Variants in OFD1 observed in about 807,000 individuals in gnomAD.
The protein encoded by OFD1 is OFD1 centriole and centriolar satellite protein, also known as centriole and centriolar satellite protein OFD1.
OFD1 carries 12 observed loss-of-function variants against 81.4 expected under a neutral mutation model. That is an observed-to-expected ratio of 0.15 (90% CI 0.09 to 0.24). The LOEUF is 0.24. OFD1 is among the 10% of genes least tolerant of loss of function. The pLI, the probability that OFD1 is intolerant of heterozygous loss-of-function variation, is 1.00. For synonymous variants in OFD1, 256 were observed against 263.7 expected, an observed-to-expected ratio of 0.97 and a Z score of 0.28; for missense variants, 685 against 733.9, an observed-to-expected ratio of 0.93 and a Z score of 0.77.
In OFD1 at chrX:13,762,457, A is replaced by G. The variant is rs369270604; in HGVS notation, c.2488+13A>G. 1.5e-4 allele frequency: 145 copies of G among 992,860 alleles called. No individual in the cohort carries two copies. The highest frequency in any genetic ancestry group is 2.0e-4 in the Non-Finnish European group (140 of 697,253). 81.8% of individuals were successfully genotyped at this position (992,860 alleles called of 1,213,427 possible). ...TCATCTTTTGAATGTAAGTTCAAAT[A>G]TAAATACCAGTTTTTATATGTTGAA... On this transcript the variant is annotated intron_variant, in intron 18 of 22. Coordinates refer to ENST00000340096, the MANE Select transcript of OFD1 (RefSeq NM_003611.3).
intron 8 of OFD1, among the ~76,000 whole-genome samples, chrX:13,748,455 C>A (rs2047376850): frequency 8.9e-6 from 1 of 112,535 alleles, no homozygotes; most frequent in Non-Finnish European, 1.9e-5. Flanking sequence ...CTCATTCCTG[C>A]ATCAGTCTTT....
chrX:13,765,563 T>C (rs2048094048), intron 19 of OFD1, among the ~76,000 whole-genome samples: 1 of 111,284 alleles, frequency 9.0e-6, no homozygotes, highest in South Asian at 3.8e-4. Context: ...TCTCTCCTAT[T>C]AGTAAAACTC....
chrX:13,746,484 G>C, intron 7 of OFD1, 29 bp downstream of exon 7: 1 of 1,199,648 alleles, frequency 8.3e-7, no homozygotes, highest in African/African-American at 1.7e-5. Flanking sequence ...CTGTAAACAA[G>C]AGTGATGTTT....
the OFD1 span, among the ~76,000 whole-genome samples, chrX:13,724,791 C>T: frequency 8.9e-6 from 1 of 112,649 alleles, no homozygotes; most frequent in Non-Finnish European, 1.9e-5. Context: ...TGAAGCAGGG[C>T]AGGGCGTCGC....
downstream of OFD1, among the ~76,000 whole-genome samples, chrX:13,770,193 T>C (rs2048272250): frequency 8.9e-6 from 1 of 112,319 alleles, no homozygotes; most frequent in Admixed American, 9.4e-5. Flanking sequence ...TGATTTTATC[T>C]AACCATTATT....
chrX:13,756,756 G>A lies in OFD1; in HGVS notation c.1400G>A (p.Arg467His), dbSNP rs375577267. The A allele has an allele frequency of 2.8e-5, 33 of 1,199,335 alleles. No homozygotes were observed. The highest frequency in any genetic ancestry group is 3.3e-5 in the Non-Finnish European group (29 of 885,387). ...GAAGAGAGTAGAAATGAAAACCTGC[G>A]TCTCCTAAACCGTATGTATTTTTCT... ...QLEESRNENL[R>H]LLNRLAQPAP... Residue 467 changes from arginine (R) to histidine (H), a missense_variant, in exon 13 of 23, where the codon CGT becomes CAT. Arg to His is a conservative substitution (Grantham distance 29, BLOSUM62 0). This residue lies in a region of OFD1 where 414 missense variants were observed against 447.2 expected (regional missense o/e 0.93). Coordinates refer to ENST00000340096, the MANE Select transcript of OFD1 (RefSeq NM_003611.3).
chrX:13,719,903 C>G, the OFD1 span: 2 of 1,201,860 alleles, frequency 1.7e-6, no homozygotes, highest in Non-Finnish European at 1.1e-6. Context: ...GGCAAAAACT[C>G]CATTTCAAAA....
intron 5 of OFD1, among the ~76,000 whole-genome samples, chrX:13,740,380 T>C (rs986708102): frequency 3.6e-5 from 4 of 112,465 alleles, no homozygotes; most frequent in Admixed American, 1.9e-4. Context: ...TTAATTTACA[T>C]TTAATTAGCT....
At position 13,739,083 on chromosome X, in the gene OFD1, T is replaced by C. The variant is rs745441408; in HGVS notation, c.412+51T>C. 4 of 1,106,088 alleles carry C rather than the reference T, an allele frequency of 3.6e-6. No homozygotes were observed. In the South Asian group the frequency reaches 7.9e-5, roughly 22 times the overall value. 91.2% of individuals were successfully genotyped at this position (1,106,088 alleles called of 1,213,427 possible). ...ACAGCAACAGTTTTCTATGTACTTTTTCCTCTAAAAGAATGAAGCAAATTT... is the reference window on the plus strand; with the variant it reads ...ACAGCAACAGTTTTCTATGTACTTTCTCCTCTAAAAGAATGAAGCAAATTT... On this transcript the variant is annotated intron_variant, in intron 5 of 22. Transcript: ENST00000340096.
Position 13,735,051 on chromosome X carries a change from T to G in OFD1, c.-21T>G, listed in dbSNP as rs1489836290. 1 of 1,185,519 alleles carries G rather than the reference T, an allele frequency of 8.4e-7. No homozygotes were observed. Among genetic ancestry groups the G allele is most frequent in the Non-Finnish European group, 1.1e-6 (1 of 885,849 alleles). On this transcript the variant is annotated 5_prime_UTR_variant, in exon 1 of 23. Transcript: ENST00000340096. The stretch of plus-strand genomic sequence containing the variant: ...CCGCGGCGGGGCGAGCGAGGCGGGC[T>G]CCGGAGGGAGCTGACGCCTGATGAT...
chrX:13,754,849 AACAG>A lies in OFD1; in HGVS notation c.1130-296_1130-293del, dbSNP rs779456998. Among the ~76,000 whole-genome samples the A allele has an allele frequency of 2.0e-3, 224 of 113,320 alleles. 1 individual carries two copies. Among genetic ancestry groups the A allele is most frequent in the African/African-American group, 6.5e-3 (203 of 31,253 alleles). ...TACAAAATAGTAACTACAATATAGT[AACAG>A]ACAGATCTTTGTCTTCAAGGAAGTT... On this transcript the variant is annotated intron_variant, in intron 11 of 22. Transcript: ENST00000340096.
chrX:13,760,844 G>C (rs2047901606), intron 16 of OFD1, 124 bp downstream of exon 16: 1 of 936,053 alleles, frequency 1.1e-6, no homozygotes, highest in Middle Eastern at 2.7e-4. Context: ...GGCACACAGA[G>C]CTGTTTAGAG....
intron 5 of OFD1, among the ~76,000 whole-genome samples, chrX:13,741,074 A>G (rs919694252): frequency 2.3e-4 from 25 of 110,720 alleles, no homozygotes; most frequent in African/African-American, 8.2e-4. Flanking sequence ...CAGGAGGCAG[A>G]GGTTACAGTG....
Position 13,738,881 on chromosome X carries a change from A to C in OFD1, c.348A>C (p.Lys116Asn), listed in dbSNP as rs755485779. ...TGCAGGATCTATTACAACTCATTAAAATCAACCCTACTTCCAGTCTCTACA... is the reference window on the plus strand; with the variant it reads ...TGCAGGATCTATTACAACTCATTAACATCAACCCTACTTCCAGTCTCTACA... ...FTMQDLLQLI[K>N]INPTSSLYKS... The change falls in exon 4 of 23, where the codon AAA becomes AAC. Residue 116 changes from lysine (K) to asparagine (N), a missense_variant. By Grantham distance (94) the Lys-to-Asn change is moderately conservative. Coordinates refer to ENST00000340096, the MANE Select transcript of OFD1 (RefSeq NM_003611.3). 8.4e-7 allele frequency: 1 copy of C among 1,191,408 alleles called. No individual in the cohort carries two copies. The highest frequency in any genetic ancestry group is 1.8e-5 in the African/African-American group (1 of 56,906).
In OFD1 at chrX:13,746,722, G is replaced by T. The variant is rs956939048; in HGVS notation, c.655-58G>T. The T allele has an allele frequency of 1.2e-5, 11 of 932,378 alleles. No individual in the cohort carries two copies. In the African/African-American group the frequency reaches 2.0e-4, roughly 17 times the overall value. 76.8% of individuals were successfully genotyped at this position (932,378 alleles called of 1,213,427 possible). A position where few individuals can be genotyped will look rare whatever the true frequency, so the allele number is the denominator to read the frequency against. On this transcript the variant is annotated intron_variant, in intron 7 of 22. Transcript: ENST00000340096. ...AAACCTAGATGTAGAGAGAGAACTT[G>T]TTCCTGTTTTTATAGTATAATAGTT...
chrX:13,717,087 G>A, the OFD1 span, among the ~76,000 whole-genome samples: 1 of 98,774 alleles, frequency 1.0e-5, no homozygotes, highest in East Asian at 3.3e-4. Flanking sequence ...GAGAAGAGGT[G>A]CCATTCACAC....
At chrX:13,740,263 T>G in intron 5 of OFD1, 3 of 689,318 alleles carry the variant, frequency 4.4e-6, no homozygotes, top group Non-Finnish European at 6.0e-6. Context: ...TGTGACTCTC[T>G]GTGATTATGG....
downstream of OFD1, chrX:13,773,310 CT>C (rs11305581): frequency 0.37 from 45,952 of 124,626 alleles, 5,694 homozygotes; most frequent in East Asian, 0.57. Flanking sequence ...CGAGAGGGTG[CT>C]TTTTTTTTTT....
chrX:13,735,294 G>A lies in OFD1; in HGVS notation c.59G>A (p.Arg20His), dbSNP rs2146904622. The change falls in exon 2 of 23, where the codon CGC becomes CAC. Residue 20 changes from arginine to histidine, a missense_variant. This residue lies in a region of OFD1 where 414 missense variants were observed against 447.2 expected (regional missense o/e 0.93). Coordinates refer to ENST00000340096, the MANE Select transcript of OFD1 (RefSeq NM_003611.3). ...GATGTGTTGAGTCAAGATGAACTGCGCAAAAAGCTATACCAGACGTTTAAG... is the reference window on the plus strand; with the variant it reads ...GATGTGTTGAGTCAAGATGAACTGCACAAAAAGCTATACCAGACGTTTAAG... Reference protein sequence around the residue: ...VADVLSQDELRKKLYQTFKDR... With the variant: ...VADVLSQDELHKKLYQTFKDR... 1.1e-5 allele frequency: 13 copies of A among 1,211,428 alleles called. No homozygotes were observed. Among genetic ancestry groups the A allele is most frequent in the Non-Finnish European group, 1.5e-5 (13 of 895,130 alleles).
Sources: gnomAD v4.1 joint callset for allele counts (sites outside exome capture counted in the v4.1 genomes callset) on GRCh38, gnomAD v4.1.1 for gene constraint, gnomAD v4.1.1 regional missense constraint, MANE v1.5 for transcripts, NCBI Gene and HGNC (gene_info 2026-07-23, HGNC 2026-07-21) for gene names.